SOX5: variants seen among roughly 807,000 people sequenced by gnomAD.
The protein encoded by SOX5 is transcription factor SOX-5.
In SOX5, 9 loss-of-function variants were observed where a neutral mutation model predicts 92.0. The ratio of observed to expected loss-of-function variants is 0.10; its 90% CI spans 0.06 to 0.17. SOX5 has a LOEUF of 0.17. Among genes scored for constraint, SOX5 ranks in the 10% least tolerant of loss-of-function variants. SOX5 has a pLI of 1.00. For synonymous variants in SOX5, 344 were observed against 336.3 expected (o/e 1.02, Z -0.25); for missense variants, 642 against 944.5 (o/e 0.68, Z 4.20).
chr12:24,517,178 T>A (rs565149865), intron 1 of SOX5, among the ~76,000 whole-genome samples: 1 of 152,242 alleles, frequency 6.6e-6, no homozygotes, highest in African/African-American at 2.4e-5. Flanking sequence ...GGTTGCAATA[T>A]GCAATTCTAT....
At chr12:23,918,982 C>T (rs190762597) in intron 1 of SOX5, among the ~76,000 whole-genome samples, 1 of 150,570 alleles carries the variant, frequency 6.6e-6, no homozygotes, top group Admixed American at 6.6e-5. Flanking sequence ...CCCCAAACAG[C>T]CAAAATTGTA....
At chr12:24,384,810 G>A (rs1244431797) in intron 1 of SOX5, among the ~76,000 whole-genome samples, 2 of 152,274 alleles carry the variant, frequency 1.3e-5, no homozygotes, top group Admixed American at 1.3e-4. Context: ...GAAGATTTCA[G>A]CAAGGGATCT....
intron 8 of SOX5, among the ~76,000 whole-genome samples, chr12:23,610,440 A>G (rs1408694587): frequency 6.6e-6 from 1 of 151,914 alleles, no homozygotes; most frequent in African/African-American, 2.4e-5. Flanking sequence ...TGACCAGTAA[A>G]CTCCTTGAAG....
intron 3 of SOX5, among the ~76,000 whole-genome samples, chr12:24,244,151 A>G (rs1304806689): frequency 6.6e-6 from 1 of 151,996 alleles, no homozygotes; most frequent in Non-Finnish European, 1.5e-5. Context: ...AAACTTTACC[A>G]CTTTGCTTAT....
chr12:24,247,645 CTTTTTTT>C (rs11300258), intron 3 of SOX5, among the ~76,000 whole-genome samples: 8 of 75,568 alleles, frequency 1.1e-4, no homozygotes, highest in African/African-American at 1.4e-4. Flanking sequence ...TATTTATTTA[CTTTTTTT>C]TTTTTTTTTT....
At chr12:24,495,741 C>T (rs1038075570) in intron 1 of SOX5, among the ~76,000 whole-genome samples, 6 of 152,062 alleles carry the variant, frequency 3.9e-5, no homozygotes, top group Admixed American at 6.6e-5. Context: ...TGAATAACTA[C>T]TTATTAACTA....
chr12:24,350,526 T>A (rs1228852294), intron 2 of SOX5, among the ~76,000 whole-genome samples: 1 of 152,100 alleles, frequency 6.6e-6, no homozygotes, highest in Non-Finnish European at 1.5e-5. Flanking sequence ...GTATTTCTTA[T>A]AGAGATGGGT....
intron 9 of SOX5, chr12:23,604,178 T>C (rs1336509739): frequency 3.9e-6 from 2 of 514,266 alleles, no homozygotes; most frequent in African/African-American, 1.9e-5. Context: ...ACTATAGTTA[T>C]CGATACACGC....
At chr12:24,385,034 G>GAGAC (rs901567192) in intron 1 of SOX5, among the ~76,000 whole-genome samples, 1 of 152,166 alleles carries the variant, frequency 6.6e-6, no homozygotes, top group Non-Finnish European at 1.5e-5. Flanking sequence ...GAGAGAGAGA[G>GAGAC]AGACAGACCA....
intron 4 of SOX5, among the ~76,000 whole-genome samples, chr12:24,061,900 A>C (rs1939790491): frequency 6.6e-6 from 1 of 152,250 alleles, no homozygotes; most frequent in Non-Finnish European, 1.5e-5. Flanking sequence ...TACTATATGA[A>C]GTATTCTCTT....
In SOX5 at chr12:24,032,858, C is replaced by A. The variant is rs574723468; in HGVS notation, c.-1-136834G>T. ...TCAATTAAATTACTTTCAAACTACACTCTCTTCTGCTGCTTATTAGGATGA... is the reference window on the plus strand; with the variant it reads ...TCAATTAAATTACTTTCAAACTACAATCTCTTCTGCTGCTTATTAGGATGA... On this transcript the variant is annotated intron_variant, in intron 4 of 4. Coordinates refer to the SOX5 transcript ENST00000446891. Among the ~76,000 whole-genome samples the A allele has an allele frequency of 2.0e-5, 3 of 152,010 alleles. No homozygotes were observed. The East Asian group carries it at 5.8e-4, about 29-fold the overall frequency.
chr12:23,833,095 A>T (rs10842231), intron 3 of SOX5, among the ~76,000 whole-genome samples: 17,502 of 151,982 alleles, frequency 0.12, 1,164 homozygotes, highest in East Asian at 0.21. Context: ...GTACAAATAC[A>T]TATATTTTCA....
chr12:24,242,853 C>T (rs1594731630), intron 3 of SOX5, among the ~76,000 whole-genome samples: 1 of 123,760 alleles, frequency 8.1e-6, no homozygotes. Context: ...AGCAATTCTA[C>T]TTCTAGTAAT....
chr12:24,121,712 C>T (rs1164527364), intron 4 of SOX5, among the ~76,000 whole-genome samples: 7 of 149,872 alleles, frequency 4.7e-5, no homozygotes, highest in Non-Finnish European at 8.9e-5. Flanking sequence ...GATGGTGAAA[C>T]CCCATCTCTA....
At chr12:23,552,227 T>C (rs1944341956) in intron 11 of SOX5, among the ~76,000 whole-genome samples, 1 of 151,872 alleles carries the variant, frequency 6.6e-6, no homozygotes, top group African/African-American at 2.4e-5. Context: ...TAATGTATAC[T>C]CCAGAAAAGA....
chr12:23,875,303 T>G (rs1168407088), intron 2 of SOX5, among the ~76,000 whole-genome samples: 3 of 152,180 alleles, frequency 2.0e-5, no homozygotes, highest in Non-Finnish European at 1.5e-5. Flanking sequence ...ATTCAAAGAT[T>G]AAAGAGAAAA....
chr12:24,265,847 A>AT (rs1276925414), intron 3 of SOX5, among the ~76,000 whole-genome samples: 1 of 152,114 alleles, frequency 6.6e-6, no homozygotes, highest in African/African-American at 2.4e-5. Flanking sequence ...TTATAAAATT[A>AT]TTTTTCAGTA....
At chr12:24,304,860 C>T (rs1595393424) in intron 2 of SOX5, among the ~76,000 whole-genome samples, 1 of 152,152 alleles carries the variant, frequency 6.6e-6, no homozygotes, top group Admixed American at 6.5e-5. Context: ...TTTCAATCAG[C>T]GTGGTCATCG....
intron 1 of SOX5, among the ~76,000 whole-genome samples, chr12:24,477,488 T>C (rs1945523672): frequency 6.6e-6 from 1 of 152,126 alleles, no homozygotes; most frequent in African/African-American, 2.4e-5. Context: ...TTATGACTCA[T>C]ATACAATCAC....
Sources: gnomAD v4.1 joint callset for allele counts (sites outside exome capture counted in the v4.1 genomes callset) on GRCh38, gnomAD v4.1.1 for gene constraint, MANE v1.5 for transcripts, NCBI Gene and HGNC (gene_info 2026-07-23, HGNC 2026-07-21) for gene names.